The following TWIST2 variants were observed in gnomAD, a reference collection of about 807,000 sequenced individuals.
TWIST2 encodes twist family bHLH transcription factor 2, also known as twist-related protein 2.
Under a neutral mutation model 11.6 loss-of-function variants are expected in TWIST2, and 1 was observed. That is an observed-to-expected ratio of 0.09 (90% CI 0.03 to 0.41). The LOEUF (loss-of-function observed/expected upper bound fraction) is 0.41, where lower values mean the gene tolerates loss of function less well. TWIST2 is among the 10% of genes least tolerant of loss of function. The pLI is 0.98. For synonymous variants in TWIST2, 87 were observed against 96.6 expected, an observed-to-expected ratio of 0.90 and a Z score of 0.58; for missense variants, 168 against 226.4, an observed-to-expected ratio of 0.74 and a Z score of 1.66.
intron 1 of TWIST2, among the ~76,000 whole-genome samples, chr2:238,908,139 C>T (rs1693387053): frequency 6.6e-6 from 1 of 150,712 alleles, no homozygotes; most frequent in East Asian, 1.9e-4. Flanking sequence ...GATACCATAC[C>T]ATACACACTA....
In TWIST2 at chr2:238,848,656, G is replaced by C. The variant is rs1394185066; in HGVS notation, c.441G>C (p.Val147=). ...AHERLSYAFS[V]WRMEGAWSMS... ...AGCGCCTCAGCTACGCCTTCTCCGT[G>C]TGGCGCATGGAGGGCGCGTGGTCCA... Residue 147 remains valine (V), a synonymous_variant, in exon 1 of 2, where the codon GTG becomes GTC. Transcript: ENST00000612363. The C allele has an allele frequency of 6.5e-7, 1 of 1,536,308 alleles. No individual in the cohort carries two copies.
chr2:238,861,953 G>T (rs147594867), intron 1 of TWIST2, among the ~76,000 whole-genome samples: 1 of 152,160 alleles, frequency 6.6e-6, no homozygotes. Context: ...TCGAGCATCC[G>T]CTGGGGGTCT....
intron 1 of TWIST2, among the ~76,000 whole-genome samples, chr2:238,896,043 G>A (rs1018578991): frequency 1.3e-4 from 20 of 152,186 alleles, no homozygotes; most frequent in Non-Finnish European, 1.9e-4. Context: ...AATAGCCACC[G>A]GGAGCCCCGG....
At chr2:238,848,837 G>C (rs910932484) in intron 1 of TWIST2, 104 bp downstream of exon 1, 6 of 945,674 alleles carry the variant, frequency 6.3e-6, no homozygotes, top group Admixed American at 8.9e-5. Context: ...GGCCCCGCGG[G>C]CCGCGGGGGC....
chr2:238,870,636 C>CA lies in TWIST2; in HGVS notation c.*35+21903_*35+21904insA, dbSNP rs1553568379. 1.3e-3 allele frequency among the ~76,000 whole-genome samples: 84 copies of CA among 67,124 alleles called. 6 individuals carry two copies. The highest frequency in any genetic ancestry group is 5.4e-3 in the African/African-American group (80 of 14,710). The allele number at this position is 67,124 out of a possible 152,430, so 44.0% of individuals were successfully genotyped here. On this transcript the variant is annotated intron_variant, in intron 1 of 1. Transcript: ENST00000612363. ...CATACCACACACAAACCACACCCCCCCACACACACAGCACACACCACACAC... is the reference window on the plus strand; with the variant it reads ...CATACCACACACAAACCACACCCCCCACACACACACAGCACACACCACACAC...
chr2:238,853,431 A>G (rs147688654), intron 1 of TWIST2, among the ~76,000 whole-genome samples: 37,508 of 108,870 alleles, frequency 0.34, 5,273 homozygotes, highest in South Asian at 0.49. Flanking sequence ...GAGAGAGAGA[A>G]GGAGAGAGGG....
intron 1 of TWIST2, among the ~76,000 whole-genome samples, chr2:238,859,495 GGTGTAT>G (rs1692391850): frequency 6.6e-6 from 1 of 151,676 alleles, no homozygotes; most frequent in African/African-American, 2.4e-5. Flanking sequence ...TTCACAACAA[GGTGTAT>G]GCACTAAATT....
intron 1 of TWIST2, among the ~76,000 whole-genome samples, chr2:238,905,834 GA>G (rs1446263308): frequency 6.6e-6 from 1 of 150,780 alleles, no homozygotes; most frequent in Non-Finnish European, 1.5e-5. Context: ...TCTGAACTTT[GA>G]AAAAAGTGTG....
intron 1 of TWIST2, among the ~76,000 whole-genome samples, chr2:238,859,041 A>T (rs1574747863): frequency 6.6e-6 from 1 of 151,954 alleles, no homozygotes; most frequent in Admixed American, 6.6e-5. Context: ...GTGAAACCTC[A>T]TCTCTACTAA....
At chr2:238,853,658 C>T (rs974572341) in intron 1 of TWIST2, among the ~76,000 whole-genome samples, 1 of 152,146 alleles carries the variant, frequency 6.6e-6, no homozygotes, top group South Asian at 2.1e-4. Context: ...ATTTTAAGCT[C>T]TTGTAAACTG....
rs36169106 is a variant in TWIST2 at position 238,901,443 on chromosome 2, C to A, written c.*36-8399C>A. On this transcript the variant is annotated intron_variant, in intron 1 of 1. Coordinates refer to ENST00000612363, the MANE Select transcript of TWIST2 (RefSeq NM_001271893.4). ...GTTCCTTTTTTTGAAGCAGACAATT[C>A]TGGTTTTCTCCAGGCTCCTCCTCAG... is the stretch of plus-strand genomic sequence containing the variant. 4.8e-3 allele frequency among the ~76,000 whole-genome samples: 727 copies of A among 152,270 alleles called. 6 individuals are homozygous for A. Among genetic ancestry groups the A allele is most frequent in the Non-Finnish European group, 8.3e-3 (564 of 68,012 alleles).
At chr2:238,891,978 C>T (rs929327784) in intron 1 of TWIST2, among the ~76,000 whole-genome samples, 8 of 152,318 alleles carry the variant, frequency 5.3e-5, no homozygotes, top group Non-Finnish European at 7.3e-5. Context: ...CCCTGGAGTT[C>T]GTTCACGGAG....
At chr2:238,855,284 AAGG>A (rs1380872818) in intron 1 of TWIST2, among the ~76,000 whole-genome samples, 1 of 152,198 alleles carries the variant, frequency 6.6e-6, no homozygotes, top group Non-Finnish European at 1.5e-5. Context: ...AAGGGAAAGG[AAGG>A]AGGAGAAGGC....
intron 1 of TWIST2, among the ~76,000 whole-genome samples, chr2:238,903,583 ATGTT>A (rs1324314472): frequency 6.7e-5 from 6 of 89,236 alleles, no homozygotes; most frequent in Non-Finnish European, 1.3e-4. Flanking sequence ...GATGTGAAGT[ATGTT>A]TGAGGTAGTG....
At chr2:238,908,375 AAC>A in intron 1 of TWIST2, among the ~76,000 whole-genome samples, 1 of 148,540 alleles carries the variant, frequency 6.7e-6, no homozygotes, top group African/African-American at 2.5e-5. Flanking sequence ...CACAAACACA[AAC>A]CACATGCACC....
intron 1 of TWIST2, among the ~76,000 whole-genome samples, chr2:238,858,314 T>G (rs1402388875): frequency 2.6e-5 from 4 of 152,248 alleles, no homozygotes; most frequent in African/African-American, 9.6e-5. Context: ...GGTGTGACTC[T>G]CTACAACAGA....
At chr2:238,879,174 G>C (rs1449319391) in intron 1 of TWIST2, among the ~76,000 whole-genome samples, 1 of 152,148 alleles carries the variant, frequency 6.6e-6, no homozygotes, top group Non-Finnish European at 1.5e-5. Context: ...TCCTGGTGGG[G>C]CTCTGACCTT....
intron 1 of TWIST2, among the ~76,000 whole-genome samples, chr2:238,880,028 T>C (rs977492121): frequency 6.6e-6 from 1 of 152,220 alleles, no homozygotes; most frequent in African/African-American, 2.4e-5. Context: ...GCTGCCAACA[T>C]TGTAGGGCGT....
chr2:238,908,503 C>T (rs1693394575), intron 1 of TWIST2, among the ~76,000 whole-genome samples: 2 of 152,040 alleles, frequency 1.3e-5, no homozygotes, highest in Non-Finnish European at 1.5e-5. Context: ...CATACATACC[C>T]CACACCACAC....
Sources: gnomAD v4.1 joint callset for allele counts (sites outside exome capture counted in the v4.1 genomes callset) on GRCh38, gnomAD v4.1.1 for gene constraint, MANE v1.5 for transcripts, NCBI Gene and HGNC (gene_info 2026-07-23, HGNC 2026-07-21) for gene names.